SLIT3: variants seen among roughly 807,000 people sequenced by gnomAD.
SLIT3 encodes the protein slit guidance ligand 3, also known as slit homolog 3 protein.
SLIT3 carries 68 observed loss-of-function variants against 184.0 expected under a neutral mutation model. The ratio of observed to expected loss-of-function variants is 0.37; its 90% CI spans 0.30 to 0.45. SLIT3 has a LOEUF of 0.45. Among genes scored for constraint, SLIT3 ranks in the 20% least tolerant of loss-of-function variants. The probability of loss-of-function intolerance (pLI) is 1.00; values close to 1 mark genes in which losing one functional copy is unlikely to be tolerated. For synonymous variants in SLIT3, 831 were observed against 828.6 expected, an observed-to-expected ratio of 1.00 and a Z score of -0.05; for missense variants, 1,707 against 2,026.0, an observed-to-expected ratio of 0.84 and a Z score of 3.02.
intron 5 of SLIT3, among the ~76,000 whole-genome samples, chr5:168,868,961 A>C (rs115093001): frequency 8.5e-5 from 13 of 152,234 alleles, no homozygotes; most frequent in Admixed American, 3.9e-4. Context: ...AGGTGGCCAC[A>C]TATCAATGGG....
chr5:168,711,506 C>T (rs907063777), intron 24 of SLIT3, among the ~76,000 whole-genome samples: 3 of 151,730 alleles, frequency 2.0e-5, no homozygotes, highest in African/African-American at 4.9e-5. Context: ...GTGACTGGGA[C>T]GAAAATACTA....
intron 4 of SLIT3, among the ~76,000 whole-genome samples, chr5:169,182,457 T>C (rs1176674118): frequency 2.0e-5 from 3 of 152,198 alleles, no homozygotes; most frequent in East Asian, 3.9e-4. Flanking sequence ...AAATCCAAGA[T>C]ACTGAGTCCA....
At chr5:169,063,947 G>C (rs546946989) in intron 4 of SLIT3, among the ~76,000 whole-genome samples, 18 of 152,164 alleles carry the variant, frequency 1.2e-4, no homozygotes, top group Admixed American at 3.3e-4. Flanking sequence ...CATGTATCTG[G>C]GAGGACTGCT....
At chr5:168,857,279 C>G (rs904518616) in intron 5 of SLIT3, among the ~76,000 whole-genome samples, 2 of 152,154 alleles carry the variant, frequency 1.3e-5, no homozygotes, top group Admixed American at 1.3e-4. Context: ...GTGCATTGTT[C>G]ACACTTAAGA....
At chr5:168,728,075 C>T (rs1466581101) in intron 20 of SLIT3, among the ~76,000 whole-genome samples, 1 of 151,962 alleles carries the variant, frequency 6.6e-6, no homozygotes, top group African/African-American at 2.4e-5. Flanking sequence ...TCTATGCTGC[C>T]AGTACTGGGG....
intron 26 of SLIT3, among the ~76,000 whole-genome samples, chr5:168,704,065 C>T (rs1762304499): frequency 6.7e-6 from 1 of 150,212 alleles, no homozygotes; most frequent in Non-Finnish European, 1.5e-5. Context: ...GCTCCTTGGA[C>T]TAGTGGCACT....
chr5:169,049,166 G>A (rs1441436384), intron 4 of SLIT3, among the ~76,000 whole-genome samples: 3 of 152,188 alleles, frequency 2.0e-5, no homozygotes, highest in Non-Finnish European at 4.4e-5. Flanking sequence ...AACGTGTAGA[G>A]TTGGAAAAAA....
At chr5:169,170,173 C>T (rs1030992237) in intron 4 of SLIT3, among the ~76,000 whole-genome samples, 1 of 152,292 alleles carries the variant, frequency 6.6e-6, no homozygotes, top group African/African-American at 2.4e-5. Context: ...ACACCTCATG[C>T]CGCCTCCACA....
At chr5:169,271,728 C>T (rs1766624096) in intron 1 of SLIT3, among the ~76,000 whole-genome samples, 2 of 152,224 alleles carry the variant, frequency 1.3e-5, no homozygotes, top group Admixed American at 1.3e-4. Flanking sequence ...CAGAGTGCTT[C>T]AAACTCCAGA....
intron 4 of SLIT3, among the ~76,000 whole-genome samples, chr5:169,086,895 T>C (rs1369957948): frequency 6.6e-6 from 1 of 152,188 alleles, no homozygotes; most frequent in African/African-American, 2.4e-5. Flanking sequence ...GAAGTCTTTG[T>C]TGGGCAGGAT....
rs548945649 is a variant in SLIT3, at chr5:168,748,206, C to A, written c.2270+96G>T. The A allele has an allele frequency of 7.4e-6, 10 of 1,357,436 alleles. No homozygotes were observed. In the Admixed American group the frequency reaches 2.4e-4, roughly 33 times the overall value. The allele number at this position is 1,357,436 out of a possible 1,614,324, so 84.1% of individuals were successfully genotyped here. A position where few individuals can be genotyped will look rare whatever the true frequency, so the allele number is the denominator to read the frequency against. Reference sequence around the variant, plus strand: ...AAGTAGGGTCTCCCCCCGGCAGTTTCGCCATGTTGCCTTGCTTGAGATTCT... The same window carrying A: ...AAGTAGGGTCTCCCCCCGGCAGTTTAGCCATGTTGCCTTGCTTGAGATTCT... On this transcript the variant is annotated intron_variant, in intron 20 of 35. Coordinates refer to ENST00000519560, the MANE Select transcript of SLIT3 (RefSeq NM_003062.4).
intron 16 of SLIT3, among the ~76,000 whole-genome samples, chr5:168,755,385 C>G (rs1031355767): frequency 7.4e-6 from 1 of 134,422 alleles, no homozygotes; most frequent in African/African-American, 2.7e-5. Flanking sequence ...CCCTCAGTGC[C>G]GCCATTTCTT....
chr5:169,074,792 T>C (rs557540184), intron 4 of SLIT3, among the ~76,000 whole-genome samples: 9 of 152,310 alleles, frequency 5.9e-5, no homozygotes, highest in African/African-American at 2.2e-4. Flanking sequence ...GCCTTGTTTC[T>C]TGGTCAGCCT....
chr5:169,174,738 T>G (rs935674129), intron 4 of SLIT3, among the ~76,000 whole-genome samples: 3 of 151,906 alleles, frequency 2.0e-5, no homozygotes, highest in Non-Finnish European at 4.4e-5. Context: ...GGAGAGGAGA[T>G]ATCTGAGCCA....
At chr5:169,146,100 CT>C in intron 4 of SLIT3, among the ~76,000 whole-genome samples, 1 of 152,294 alleles carries the variant, frequency 6.6e-6, no homozygotes, top group East Asian at 1.9e-4. Context: ...ATGTGAGGCA[CT>C]TTTGATTCTT....
chr5:169,233,760 C>A (rs1765091831), intron 3 of SLIT3, among the ~76,000 whole-genome samples: 1 of 151,970 alleles, frequency 6.6e-6, no homozygotes, highest in African/African-American at 2.4e-5. Context: ...CATTCTTTTT[C>A]CTTGGTTCTG....
intron 4 of SLIT3, among the ~76,000 whole-genome samples, chr5:169,133,791 A>G (rs1581442991): frequency 6.6e-6 from 1 of 152,208 alleles, no homozygotes; most frequent in East Asian, 1.9e-4. Context: ...AAACAAAACT[A>G]CCTGTCAGGC....
chr5:169,001,652 T>A (rs1192326857), intron 4 of SLIT3, among the ~76,000 whole-genome samples: 3 of 152,208 alleles, frequency 2.0e-5, no homozygotes, highest in Non-Finnish European at 4.4e-5. Flanking sequence ...TTGGTTTTGA[T>A]AACCTAAGCT....
At chr5:168,860,983 T>G (rs1759081963) in intron 5 of SLIT3, among the ~76,000 whole-genome samples, 1 of 152,182 alleles carries the variant, frequency 6.6e-6, no homozygotes, top group South Asian at 2.1e-4. Flanking sequence ...CATTGACCTC[T>G]CTGTATCATC....
Sources: allele counts gnomAD v4.1 joint callset (sites outside exome capture counted in the v4.1 genomes callset), GRCh38; gene constraint gnomAD v4.1.1; transcripts MANE v1.5; gene names NCBI Gene and HGNC (gene_info 2026-07-23, HGNC 2026-07-21).